The following LGALS9 variants were observed in gnomAD, a reference collection of about 807,000 sequenced individuals.
The protein encoded by LGALS9 is galectin 9, also known as galectin-9.
In LGALS9, 26 loss-of-function variants were observed where a neutral mutation model predicts 35.9. The ratio of observed to expected loss-of-function variants is 0.72; its 90% confidence interval spans 0.53 to 1.01. The LOEUF (loss-of-function observed/expected upper bound fraction) is 1.01. Among genes scored for constraint, LGALS9 ranks in the 50% least tolerant of loss-of-function variants. The pLI, the probability that LGALS9 is intolerant of heterozygous loss-of-function variation, is 0.00. For missense variants in LGALS9, 347 were observed against 445.8 expected (o/e 0.78, Z 1.99); for synonymous variants, 149 against 172.2 (o/e 0.87, Z 1.06).
chr17:27,631,388 C>A, intron 1 of LGALS9, 84 bp downstream of exon 1: 1 of 1,580,546 alleles, frequency 6.3e-7, no homozygotes, highest in Non-Finnish European at 8.7e-7. Context: ...TCCTGGGTGG[C>A]AGGGGATGGG....
chr17:27,647,753 T>C (rs1905053999), intron 10 of LGALS9, among the ~76,000 whole-genome samples: 1 of 152,198 alleles, frequency 6.6e-6, no homozygotes, highest in South Asian at 2.1e-4. Context: ...CATTTTCTTG[T>C]CGCCTGCTTT....
Position 27,645,931 on chromosome 17 carries a change from T to C in LGALS9, c.627+20T>C, listed in dbSNP as rs780874257. 6.2e-7 allele frequency: 1 copy of C among 1,607,992 alleles called. No homozygotes were observed. The highest frequency in any genetic ancestry group is 8.5e-7 in the Non-Finnish European group (1 of 1,174,896). ...TTCTCTGTAAGTCTACAAGTTCTGG[T>C]CAGTTCACAGCTGCACAGTGTCCTC... is the stretch of plus-strand genomic sequence containing the variant. On this transcript the variant is annotated intron_variant, in intron 7 of 10. Coordinates refer to ENST00000395473, the MANE Select transcript of LGALS9 (RefSeq NM_009587.3).
At chr17:27,646,954 A>C in intron 8 of LGALS9, 76 bp from the exon 9 acceptor site, 1 of 1,598,864 alleles carries the variant, frequency 6.3e-7, no homozygotes. Context: ...TTCTCAGCTG[A>C]CAGCCCAAAT....
chr17:27,648,671 C>T (rs1438225477), intron 10 of LGALS9, among the ~76,000 whole-genome samples, 165 bp from the exon 11 acceptor site: 1 of 149,150 alleles, frequency 6.7e-6, no homozygotes, highest in African/African-American at 2.5e-5. Context: ...AAAGAGCACG[C>T]ACAGCCTGTT....
Position 27,638,921 on chromosome 17 carries a change from G to A in LGALS9, c.131+567G>A, listed in dbSNP as rs572217905. 1.9e-4 allele frequency among the ~76,000 whole-genome samples: 29 copies of A among 152,244 alleles called. No homozygotes were observed. The South Asian group carries it at 3.3e-3, about 17-fold the overall frequency. On this transcript the variant is annotated intron_variant, in intron 2 of 10. Coordinates refer to ENST00000395473, the MANE Select transcript of LGALS9 (RefSeq NM_009587.3). ...CACATGGCTTCTCAGTGGCTGGGAG[G>A]GCTCTAGACCCTCACTCAGGCCTGG...
At chr17:27,636,679 T>C (rs1185851570) in intron 1 of LGALS9, among the ~76,000 whole-genome samples, 1 of 152,064 alleles carries the variant, frequency 6.6e-6, no homozygotes, top group African/African-American at 2.4e-5. Context: ...CATTACGTTG[T>C]TCAGGCTGGC....
intron 1 of LGALS9, among the ~76,000 whole-genome samples, chr17:27,635,818 G>A (rs973070939): frequency 1.3e-4 from 20 of 152,132 alleles, no homozygotes; most frequent in African/African-American, 3.9e-4. Context: ...CCACAAACAG[G>A]CAAGGAGAAA....
At chr17:27,637,636 G>A (rs1348021236) in intron 1 of LGALS9, among the ~76,000 whole-genome samples, 11 of 152,366 alleles carry the variant, frequency 7.2e-5, no homozygotes, top group Non-Finnish European at 1.2e-4. Context: ...GCTGCCCCAC[G>A]GCTACAGAAG....
At chr17:27,646,106 G>T (rs1360714896) in intron 7 of LGALS9, among the ~76,000 whole-genome samples, 195 bp downstream of exon 7, 1 of 152,148 alleles carries the variant, frequency 6.6e-6, no homozygotes, top group Non-Finnish European at 1.5e-5. Flanking sequence ...GAAGAAGCAG[G>T]GTTTATCCAG....
chr17:27,643,915 C>A, intron 5 of LGALS9: 1 of 379,954 alleles, frequency 2.6e-6, no homozygotes, highest in African/African-American at 2.1e-5. Flanking sequence ...GGTCCAGTTC[C>A]CCACCCCCTA....
chr17:27,647,777 C>T (rs560413400), intron 10 of LGALS9, among the ~76,000 whole-genome samples: 18 of 152,318 alleles, frequency 1.2e-4, no homozygotes, highest in South Asian at 8.3e-4. Flanking sequence ...CAGGAAGCAC[C>T]CCACATGCTG....
At chr17:27,633,648 G>A (rs2074413546) in intron 1 of LGALS9, among the ~76,000 whole-genome samples, 1 of 152,216 alleles carries the variant, frequency 6.6e-6, no homozygotes, top group African/African-American at 2.4e-5. Flanking sequence ...CCGGTCTCTG[G>A]GCACTATCAG....
chr17:27,634,830 G>A (rs2074428128), intron 1 of LGALS9, among the ~76,000 whole-genome samples: 1 of 152,114 alleles, frequency 6.6e-6, no homozygotes, highest in Non-Finnish European at 1.5e-5. Context: ...CTGGGGGGTG[G>A]CCCACTGGTA....
chr17:27,647,168 C>G, intron 9 of LGALS9, 50 bp downstream of exon 9: 1 of 1,614,078 alleles, frequency 6.2e-7, no homozygotes, highest in Non-Finnish European at 8.5e-7. Context: ...CCTTCAAGGT[C>G]AGTCCAGCCA....
Position 27,645,194 on chromosome 17 carries a change from G to A in LGALS9, c.541-120G>A. 10 of 1,583,436 alleles carry A rather than the reference G, an allele frequency of 6.3e-6. No individual in the cohort carries two copies. In the South Asian group the frequency reaches 1.1e-4, roughly 18 times the overall value. Reference sequence around the variant, plus strand: ...AAGGCTTGCTTGGGAGCAAGAGGGAGGTGGGTGTGTCCGGGGAGGCATTTC... The same window carrying A: ...AAGGCTTGCTTGGGAGCAAGAGGGAAGTGGGTGTGTCCGGGGAGGCATTTC... On this transcript the variant is annotated intron_variant, in intron 5 of 10. Transcript: ENST00000395473.
In LGALS9 at chr17:27,642,045, C is replaced by A. The variant is rs548568700; in HGVS notation, c.334-193C>A. On this transcript the variant is annotated intron_variant, in intron 3 of 10. Transcript: ENST00000395473. ...CTACTGCAGGAAACAACCAGAAGAACGAAAAGTCCAACTGGAGCCTGGTAG... is the reference window on the plus strand; with the variant it reads ...CTACTGCAGGAAACAACCAGAAGAAAGAAAAGTCCAACTGGAGCCTGGTAG... 2.6e-5 allele frequency among the ~76,000 whole-genome samples: 4 copies of A among 152,196 alleles called. No homozygotes were observed. In the South Asian group the frequency reaches 8.3e-4, roughly 32 times the overall value.
At chr17:27,640,015 C>T (rs138261612) in intron 2 of LGALS9, among the ~76,000 whole-genome samples, 2,651 of 151,666 alleles carry the variant, frequency 0.017, 33 homozygotes, top group Non-Finnish European at 0.028. Context: ...GGATTACAGG[C>T]GTGAGCCATC....
chr17:27,643,746 C>T lies in LGALS9; in HGVS notation c.540+126C>T, dbSNP rs1904707252. ...GCCGCATCTTGCCCACCCAAGAGTT[C>T]CCTGTCTCTGTCCGCTGGGCACCCA... On this transcript the variant is annotated intron_variant, in intron 5 of 10. Coordinates refer to ENST00000395473, the MANE Select transcript of LGALS9 (RefSeq NM_009587.3). 17 of 1,418,410 alleles carry T rather than the reference C, an allele frequency of 1.2e-5. No homozygotes were observed. The South Asian group carries it at 2.5e-4, about 21-fold the overall frequency. The allele number at this position is 1,418,410 out of a possible 1,614,324, so 87.9% of individuals were successfully genotyped here. A position where few individuals can be genotyped will look rare whatever the true frequency, so the allele number is the denominator to read the frequency against.
Position 27,647,442 on chromosome 17 carries a change from C to T in LGALS9, c.921+10C>T, listed in dbSNP as rs202148765. 5,148 of 1,614,014 alleles carry T rather than the reference C, an allele frequency of 3.2e-3. 9 individuals are homozygous for T. Among genetic ancestry groups the T allele is most frequent in the Non-Finnish European group, 3.9e-3 (4,594 of 1,179,976 alleles). On this transcript the variant is annotated intron_variant, in intron 10 of 10. Coordinates refer to ENST00000395473, the MANE Select transcript of LGALS9 (RefSeq NM_009587.3). ...TGGCCAGAGCTTCTCAGTAAGGCAC[C>T]GCAGTCTGGAGCTTGGAGAGGCTCC...
Sources: allele counts gnomAD v4.1 joint callset (sites outside exome capture counted in the v4.1 genomes callset), GRCh38; gene constraint gnomAD v4.1.1; transcripts MANE v1.5; gene names NCBI Gene and HGNC (gene_info 2026-07-23, HGNC 2026-07-21).